TCAIM: variants seen among roughly 807,000 people sequenced by gnomAD.
TCAIM encodes T cell activation inhibitor, mitochondrial.
In TCAIM, 36 loss-of-function variants were observed where a neutral mutation model predicts 58.6. The ratio of observed to expected loss-of-function variants is 0.61; its 90% CI spans 0.47 to 0.81. The LOEUF (loss-of-function observed/expected upper bound fraction) is 0.81, where lower values mean the gene tolerates loss of function less well. TCAIM is among the 30% of genes least tolerant of loss of function. The pLI, the probability that TCAIM is intolerant of heterozygous loss-of-function variation, is 0.00. For missense variants in TCAIM, 466 were observed against 579.6 expected (o/e 0.80, Z 2.01); for synonymous variants, 172 against 193.6 (o/e 0.89, Z 0.93).
chr3:44,370,670 T>G (rs73090437), intron 5 of TCAIM, among the ~76,000 whole-genome samples: 25,900 of 147,440 alleles, frequency 0.18, 2,497 homozygotes, highest in Middle Eastern at 0.27. Flanking sequence ...GGTTTTTTGT[T>G]TTTTTTTTTT....
chr3:44,401,012 C>T (rs1412840388), intron 9 of TCAIM, 191 bp from the exon 10 acceptor site: 5 of 757,444 alleles, frequency 6.6e-6, no homozygotes, highest in Admixed American at 6.2e-5. Flanking sequence ...AGAGGGCTTG[C>T]AAGTAGGTCG....
intron 2 of TCAIM, among the ~76,000 whole-genome samples, chr3:44,357,457 G>A (rs1701217043): frequency 6.6e-6 from 1 of 152,148 alleles, no homozygotes; most frequent in South Asian, 2.1e-4. Flanking sequence ...AAAGAAAATT[G>A]TTATCATTTG....
intron 5 of TCAIM, among the ~76,000 whole-genome samples, chr3:44,384,113 A>T (rs1477471019): frequency 6.6e-6 from 1 of 152,212 alleles, no homozygotes; most frequent in Non-Finnish European, 1.5e-5. Context: ...TTATCTCAAT[A>T]GTAATTAATT....
intron 4 of TCAIM, among the ~76,000 whole-genome samples, chr3:44,366,036 G>A (rs1442044719): frequency 1.3e-5 from 2 of 152,208 alleles, no homozygotes; most frequent in African/African-American, 4.8e-5. Flanking sequence ...TTGTAGTGGA[G>A]AAAATATTTG....
At chr3:44,369,538 G>A (rs1209004536) in intron 5 of TCAIM, among the ~76,000 whole-genome samples, 2 of 152,246 alleles carry the variant, frequency 1.3e-5, no homozygotes, top group African/African-American at 2.4e-5. Context: ...ACCTAGAACT[G>A]GACTTAGACA....
At chr3:44,343,501 A>T (rs774512562) in intron 1 of TCAIM, among the ~76,000 whole-genome samples, 9 of 152,210 alleles carry the variant, frequency 5.9e-5, no homozygotes, top group Non-Finnish European at 8.8e-5. Context: ...CATAACCAAT[A>T]TGAAAAATTA....
intron 5 of TCAIM, among the ~76,000 whole-genome samples, chr3:44,392,298 G>A (rs192793327): frequency 3.8e-4 from 58 of 152,220 alleles, no homozygotes; most frequent in African/African-American, 1.4e-3. Flanking sequence ...CTGCTTTAAG[G>A]TAATGTATGT....
intron 5 of TCAIM, among the ~76,000 whole-genome samples, chr3:44,376,614 A>T (rs1436034926): frequency 6.6e-6 from 1 of 152,210 alleles, no homozygotes; most frequent in Non-Finnish European, 1.5e-5. Flanking sequence ...GCCACAAAAA[A>T]AATAAAATCA....
chr3:44,389,560 C>T (rs139283213), intron 5 of TCAIM, among the ~76,000 whole-genome samples: 4 of 152,174 alleles, frequency 2.6e-5, no homozygotes, highest in African/African-American at 9.6e-5. Flanking sequence ...GTAAGTTGAA[C>T]AACATGTATT....
At chr3:44,360,795 G>C (rs796381821) in intron 3 of TCAIM, among the ~76,000 whole-genome samples, 161 of 151,902 alleles carry the variant, frequency 1.1e-3, no homozygotes, top group African/African-American at 3.7e-3. Context: ...TTGTAGAGTC[G>C]AGGTTTCACC....
At chr3:44,344,305 G>A (rs1298116267) in intron 1 of TCAIM, among the ~76,000 whole-genome samples, 1 of 151,994 alleles carries the variant, frequency 6.6e-6, no homozygotes, top group Non-Finnish European at 1.5e-5. Flanking sequence ...CCTCAGAAAT[G>A]CTTCTGAAAT....
chr3:44,396,612 A>G lies in TCAIM; in HGVS notation c.793+115A>G, dbSNP rs1325484091. 3 of 1,422,088 alleles carry G rather than the reference A, an allele frequency of 2.1e-6. No homozygotes were observed. In the African/African-American group the frequency reaches 4.4e-5, roughly 21 times the overall value. 88.1% of individuals were successfully genotyped at this position (1,422,088 alleles called of 1,614,324 possible). On this transcript the variant is annotated intron_variant, in intron 7 of 10. Coordinates refer to ENST00000342649, the MANE Select transcript of TCAIM (RefSeq NM_173826.4). Reference sequence around the variant, plus strand: ...GCTGAACTTTTAAATCTGTTCTTTGAATAAAGCAGTGGCATAAAATTAGCC... The same window carrying G: ...GCTGAACTTTTAAATCTGTTCTTTGGATAAAGCAGTGGCATAAAATTAGCC...
chr3:44,357,125 C>T (rs1227981797), intron 2 of TCAIM, among the ~76,000 whole-genome samples: 2 of 152,122 alleles, frequency 1.3e-5, no homozygotes, highest in South Asian at 2.1e-4. Flanking sequence ...AAAAATTGAG[C>T]CAGGCATGGT....
chr3:44,404,074 A>T (rs1220388980), intron 10 of TCAIM, among the ~76,000 whole-genome samples: 1 of 151,542 alleles, frequency 6.6e-6, no homozygotes, highest in African/African-American at 2.4e-5. Context: ...GTCCTCGGGC[A>T]CTCTTGACAT....
At position 44,408,305 on chromosome 3, in the gene TCAIM, TATACAC is replaced by T. The variant is rs2125660794; in HGVS notation, c.*625_*630del. 3 of 152,308 alleles carry T rather than the reference TATACAC, an allele frequency of 2.0e-5. No homozygotes were observed. The South Asian group carries it at 6.2e-4, about 32-fold the overall frequency. The allele number at this position is 152,308 out of a possible 1,614,324, so 9.4% of individuals were successfully genotyped here. A position where few individuals can be genotyped will look rare whatever the true frequency, so the allele number is the denominator to read the frequency against. On this transcript the variant is annotated 3_prime_UTR_variant, in exon 11 of 11. Transcript: ENST00000342649. ...TCTGTATAGTTACATCTCATGTAAA[TATACAC>T]AGACATATTTTGCAGCCAGTAATTG...
intron 10 of TCAIM, among the ~76,000 whole-genome samples, chr3:44,403,403 T>C (rs1399949619): frequency 1.3e-5 from 2 of 152,238 alleles, no homozygotes; most frequent in East Asian, 3.8e-4. Flanking sequence ...GTTTTCCTTA[T>C]GGAATTGATG....
At chr3:44,352,507 A>G (rs953252926) in intron 1 of TCAIM, among the ~76,000 whole-genome samples, 3 of 152,168 alleles carry the variant, frequency 2.0e-5, no homozygotes, top group Non-Finnish European at 4.4e-5. Flanking sequence ...GTTCACAGCA[A>G]AATTTAGCAG....
At chr3:44,402,489 G>A (rs1158901916) in intron 10 of TCAIM, among the ~76,000 whole-genome samples, 3 of 152,168 alleles carry the variant, frequency 2.0e-5, no homozygotes, top group African/African-American at 7.2e-5. Flanking sequence ...TCCTATTATA[G>A]CCAACAGTTT....
chr3:44,381,667 C>A (rs937928983), intron 5 of TCAIM, among the ~76,000 whole-genome samples: 2 of 152,020 alleles, frequency 1.3e-5, no homozygotes, highest in African/African-American at 4.8e-5. Flanking sequence ...TTAAAGTCAT[C>A]TACTTGGAAA....
Sources: gnomAD v4.1 joint callset for allele counts (sites outside exome capture counted in the v4.1 genomes callset) on GRCh38, gnomAD v4.1.1 for gene constraint, MANE v1.5 for transcripts, NCBI Gene and HGNC (gene_info 2026-07-23, HGNC 2026-07-21) for gene names.